The following CAPN5 variants were observed in gnomAD, a reference collection of about 807,000 sequenced individuals.
CAPN5 encodes calpain-5.
In CAPN5, 54 loss-of-function variants were observed where a neutral mutation model predicts 73.0. The observed-to-expected ratio is 0.74, with a 90% CI of 0.59 to 0.93. CAPN5 has a LOEUF of 0.93. CAPN5 is among the 40% of genes least tolerant of loss of function. The probability of loss-of-function intolerance (pLI) is 0.00; values close to 1 mark genes in which losing one functional copy is unlikely to be tolerated. For synonymous variants in CAPN5, 335 were observed against 356.9 expected, an observed-to-expected ratio of 0.94 and a Z score of 0.69; for missense variants, 785 against 882.9, an observed-to-expected ratio of 0.89 and a Z score of 1.41.
chr11:77,120,547 C>A, intron 9 of CAPN5, 166 bp from the exon 10 acceptor site: 1 of 549,030 alleles, frequency 1.8e-6, no homozygotes, highest in Non-Finnish European at 3.2e-6. Context: ...TCCCTTCAGC[C>A]CTGGGCAAAC....
Position 77,079,583 on chromosome 11 carries a change from A to G in CAPN5, c.-35-5269A>G, listed in dbSNP as rs183871591. Reference sequence around the variant, plus strand: ...CTCATTTTCAGCTCTAACAAATACTATTGCAATAGACATTCTTGTACATGG... The same window carrying G: ...CTCATTTTCAGCTCTAACAAATACTGTTGCAATAGACATTCTTGTACATGG... On this transcript the variant is annotated intron_variant, in intron 1 of 12. Coordinates refer to ENST00000648180, the MANE Select transcript of CAPN5 (RefSeq NM_004055.5). 3.7e-3 allele frequency among the ~76,000 whole-genome samples: 571 copies of G among 152,310 alleles called. 6 individuals are homozygous for G. The highest frequency in any genetic ancestry group is 0.013 in the African/African-American group (543 of 41,564).
intron 1 of CAPN5, among the ~76,000 whole-genome samples, chr11:77,070,936 C>T (rs1555032944): frequency 6.6e-6 from 1 of 152,168 alleles, no homozygotes; most frequent in Non-Finnish European, 1.5e-5. Flanking sequence ...CTTGTGATTA[C>T]ATTCAGGGCC....
At chr11:77,083,208 T>C (rs1950045102) in intron 1 of CAPN5, among the ~76,000 whole-genome samples, 2 of 152,174 alleles carry the variant, frequency 1.3e-5, no homozygotes, top group South Asian at 4.1e-4. Context: ...GTGAAGTGGC[T>C]TGGGTGCAGA....
rs547442297 is a variant in CAPN5 at position 77,111,664 on chromosome 11, G to A, written c.298-925G>A. Among the ~76,000 whole-genome samples the A allele has an allele frequency of 2.6e-5, 4 of 152,302 alleles. No individual in the cohort carries two copies. The East Asian group carries it at 7.7e-4, about 29-fold the overall frequency. On this transcript the variant is annotated intron_variant, in intron 3 of 12. Coordinates refer to ENST00000648180, the MANE Select transcript of CAPN5 (RefSeq NM_004055.5). ...TCAGGCCCTGGGCTAGGTGCTGGGTGCATAGCAGTGACTGAGACCTATATG... is the reference window on the plus strand; with the variant it reads ...TCAGGCCCTGGGCTAGGTGCTGGGTACATAGCAGTGACTGAGACCTATATG...
chr11:77,095,596 C>G (rs1416638068), intron 3 of CAPN5, among the ~76,000 whole-genome samples: 2 of 152,198 alleles, frequency 1.3e-5, no homozygotes, highest in Non-Finnish European at 2.9e-5. Context: ...CCCAGCAGCC[C>G]CACGGTCGGC....
chr11:77,074,915 C>T (rs1555033699), intron 1 of CAPN5, among the ~76,000 whole-genome samples: 1 of 152,198 alleles, frequency 6.6e-6, no homozygotes, highest in Non-Finnish European at 1.5e-5. Flanking sequence ...GGCTCTCTCC[C>T]ACTCGGCCCT....
intron 3 of CAPN5, among the ~76,000 whole-genome samples, chr11:77,096,353 G>A (rs1591126674): frequency 6.6e-6 from 1 of 152,164 alleles, no homozygotes; most frequent in Non-Finnish European, 1.5e-5. Flanking sequence ...AGCTGTTTTC[G>A]TCCTCAGTGT....
At chr11:77,098,535 G>T (rs1950241668) in intron 3 of CAPN5, among the ~76,000 whole-genome samples, 1 of 94,132 alleles carries the variant, frequency 1.1e-5, no homozygotes, top group Non-Finnish European at 2.1e-5. Context: ...GGACAGGGCG[G>T]CTGGCCGGGC....
chr11:77,112,604 A>T lies in CAPN5; in HGVS notation c.313A>T (p.Lys105Ter). 1 of 1,571,338 alleles carries T rather than the reference A, an allele frequency of 6.4e-7. No homozygotes were observed. Among genetic ancestry groups the T allele is most frequent in the African/African-American group, 1.4e-5 (1 of 73,510 alleles). Residue 105 changes from lysine to a stop codon, truncating the protein, a stop_gained, in exon 4 of 13, where the codon AAG (lysine) becomes TAG (stop). Coordinates refer to ENST00000648180, the MANE Select transcript of CAPN5 (RefSeq NM_004055.5). LOFTEE classifies it high-confidence loss of function. ...CCCTACCCAGGTCATCCCAGACTGG[A>T]AGGAGCAGGAATGGGACCCCGAAAA... ...SLWQKVIPDW[K>*]EQEWDPEKPN...
intron 3 of CAPN5, among the ~76,000 whole-genome samples, chr11:77,102,670 C>G (rs1565269386): frequency 1.3e-5 from 2 of 152,248 alleles, no homozygotes; most frequent in African/African-American, 4.8e-5. Context: ...ACCCCTGACA[C>G]ACACCCCATT....
chr11:77,097,464 GTTTTTTTT>G (rs58077755), intron 3 of CAPN5, among the ~76,000 whole-genome samples: 1,155 of 79,756 alleles, frequency 0.014, 19 homozygotes, highest in African/African-American at 0.053. Context: ...TTTCCTTCTA[GTTTTTTTT>G]TTTTTTTTTT....
chr11:77,095,844 A>G (rs1349181204), intron 3 of CAPN5, among the ~76,000 whole-genome samples: 1 of 152,186 alleles, frequency 6.6e-6, no homozygotes, highest in African/African-American at 2.4e-5. Flanking sequence ...TTCCTATTGC[A>G]GGGAGTTGGG....
chr11:77,115,662 G>A lies in CAPN5; in HGVS notation c.893+74G>A, dbSNP rs575810391. Reference sequence around the variant, plus strand: ...AAGGACGGGTGGGCTTCTTGGAGGAGTTGGCACTGGGGCTGGGCCTTGAAG... The same window carrying A: ...AAGGACGGGTGGGCTTCTTGGAGGAATTGGCACTGGGGCTGGGCCTTGAAG... On this transcript the variant is annotated intron_variant, in intron 6 of 12. Coordinates refer to ENST00000648180, the MANE Select transcript of CAPN5 (RefSeq NM_004055.5). 110 of 1,247,362 alleles carry A rather than the reference G, an allele frequency of 8.8e-5. No individual in the cohort carries two copies. The African/African-American group carries it at 1.5e-3, about 17-fold the overall frequency. The allele number at this position is 1,247,362 out of a possible 1,614,324, so 77.3% of individuals were successfully genotyped here. A position where few individuals can be genotyped will look rare whatever the true frequency, so the allele number is the denominator to read the frequency against.
intron 2 of CAPN5, among the ~76,000 whole-genome samples, chr11:77,091,812 C>A (rs782711421): frequency 2.6e-5 from 4 of 152,192 alleles, no homozygotes; most frequent in Non-Finnish European, 4.4e-5. Context: ...GCTGGAGCCA[C>A]CCATAGAGGT....
At chr11:77,092,527 G>A (rs1439836140) in intron 2 of CAPN5, among the ~76,000 whole-genome samples, 1 of 152,276 alleles carries the variant, frequency 6.6e-6, no homozygotes. Context: ...TCTCTTGGCA[G>A]GCAGAGCAAG....
In CAPN5 at chr11:77,086,263, C is replaced by G. The variant is rs188751294; in HGVS notation, c.165+1212C>G. Among the ~76,000 whole-genome samples the G allele has an allele frequency of 1.8e-4, 28 of 152,300 alleles. 1 individual carries two copies. Among genetic ancestry groups the G allele is most frequent in the Admixed American group, 4.6e-4 (7 of 15,300 alleles). On this transcript the variant is annotated intron_variant, in intron 2 of 12. Coordinates refer to ENST00000648180, the MANE Select transcript of CAPN5 (RefSeq NM_004055.5). ...TTTTGGGAAAATGAAATGTAGTTTT[C>G]TAGTTTCCCTCCCAGGCTATGATCT...
At chr11:77,068,912 G>A (rs542821183) in intron 1 of CAPN5, among the ~76,000 whole-genome samples, 1 of 152,056 alleles carries the variant, frequency 6.6e-6, no homozygotes, top group Non-Finnish European at 1.5e-5. Flanking sequence ...GGACAGGGTG[G>A]TTGTGAGATG....
At chr11:77,079,580 A>G (rs1030505971) in intron 1 of CAPN5, among the ~76,000 whole-genome samples, 9 of 152,206 alleles carry the variant, frequency 5.9e-5, no homozygotes, top group Admixed American at 4.6e-4. Flanking sequence ...TCTAACAAAT[A>G]CTATTGCAAT....
At chr11:77,118,050 T>C (rs1950485153) in intron 7 of CAPN5, 107 bp from the exon 8 acceptor site, 2 of 996,952 alleles carry the variant, frequency 2.0e-6, no homozygotes, top group Non-Finnish European at 1.5e-6. Context: ...GCCAGCTGTG[T>C]TCTCTCACCT....
Sources: gnomAD v4.1 joint callset for allele counts (sites outside exome capture counted in the v4.1 genomes callset) on GRCh38, gnomAD v4.1.1 for gene constraint, MANE v1.5 for transcripts, NCBI Gene and HGNC (gene_info 2026-07-23, HGNC 2026-07-21) for gene names.